The following SPEG variants were observed in gnomAD, a reference collection of about 807,000 sequenced individuals.
The protein encoded by SPEG is striated muscle preferentially expressed protein kinase.
Under a neutral mutation model 300.4 loss-of-function variants are expected in SPEG, and 114 were observed. That is an observed-to-expected ratio of 0.38 (90% confidence interval 0.33 to 0.44). The LOEUF is 0.44. Among genes scored for constraint, SPEG ranks in the 20% least tolerant of loss-of-function variants. SPEG has a pLI of 1.00. For synonymous variants in SPEG, 1,964 were observed against 2,018.9 expected, an observed-to-expected ratio of 0.97 and a Z score of 0.73; for missense variants, 4,201 against 4,586.2, an observed-to-expected ratio of 0.92 and a Z score of 2.43.
intron 1 of SPEG, chr2:219,441,494 G>A (rs1575034221): frequency 2.1e-6 from 1 of 468,780 alleles, no homozygotes; most frequent in Middle Eastern, 4.6e-4. Context: ...TGTGCCCTTC[G>A]GCGAGTTCGG....
In SPEG at chr2:219,444,347, G is replaced by A. The variant is rs1474764630; in HGVS notation, c.389-306G>A. Among the ~76,000 whole-genome samples, 1 of 152,222 alleles carries A rather than the reference G, an allele frequency of 6.6e-6. No homozygotes were observed. Among genetic ancestry groups the A allele is most frequent in the Non-Finnish European group, 1.5e-5 (1 of 68,054 alleles). ...TCACTGACAAGGGGAGGAGGGAGAA[G>A]GGAGGAGGCTCTGATAATCCATTAA... On this transcript the variant is annotated intron_variant, in intron 1 of 40. Coordinates refer to ENST00000312358, the MANE Select transcript of SPEG (RefSeq NM_005876.5). The surrounding 1 kb of genome is among the most constrained non-coding windows in gnomAD (Gnocchi z 7.8).
chr2:219,448,335 C>A lies in SPEG; in HGVS notation c.1177C>A (p.Leu393Met). The A allele has an allele frequency of 6.3e-7, 1 of 1,597,790 alleles. No homozygotes were observed. The highest frequency in any genetic ancestry group is 8.5e-7 in the Non-Finnish European group (1 of 1,173,412). ...GTCGGCGTTGGGCCGATCGCCTAGG[C>A]TGGTGCGCGCCGGCTCCCGCATCCT... is the stretch of plus-strand genomic sequence containing the variant. ...RLSALGRSPR[L>M]VRAGSRILDK... Residue 393 changes from leucine to methionine, a missense_variant, in exon 4 of 41, where the codon CTG (leucine) becomes ATG (methionine). This residue lies in a region of SPEG where 1,258 missense variants were observed against 1,293.9 expected (regional missense o/e 0.97). Coordinates refer to ENST00000312358, the MANE Select transcript of SPEG (RefSeq NM_005876.5).
Position 219,451,073 on chromosome 2 carries a change from C to G in SPEG, c.2114-63C>G, listed in dbSNP as rs1460080996. The G allele has an allele frequency of 1.4e-6, 2 of 1,457,550 alleles. No individual in the cohort carries two copies. The highest frequency in any genetic ancestry group is 1.8e-6 in the Non-Finnish European group (2 of 1,102,042). The allele number at this position is 1,457,550 out of a possible 1,614,324, so 90.3% of individuals were successfully genotyped here. ...CTAGGATGCAGGCCACCAGGACTCT[C>G]TCTCCCGCTGTCATCCCTGCAGGGA... On this transcript the variant is annotated intron_variant, in intron 4 of 40. Transcript: ENST00000312358. The surrounding 1 kb of genome is among the most constrained non-coding windows in gnomAD (Gnocchi z 6.4).
chr2:219,451,329 G>C lies in SPEG; in HGVS notation c.2257+50G>C, dbSNP rs77541083. On this transcript the variant is annotated intron_variant, in intron 5 of 40. Transcript: ENST00000312358. This position sits in a 1 kb window ranked among gnomAD's most constrained non-coding sequence, Gnocchi z 6.4. ...TGCGGTCGAGGTTGGGAGGGGGTGT[G>C]TGAGAAGGGAAGGGGAGGTTCCCCC... 1.9e-6 allele frequency: 3 copies of C among 1,554,906 alleles called. No individual in the cohort carries two copies. In the Admixed American group the frequency reaches 5.9e-5, roughly 30 times the overall value.
intron 1 of SPEG, chr2:219,441,895 CT>C: frequency 4.6e-6 from 1 of 219,056 alleles, no homozygotes; most frequent in Non-Finnish European, 8.8e-6. Flanking sequence ...CCGTCGCCGC[CT>C]TACCCCCACC....
At position 219,490,766 on chromosome 2, in the gene SPEG, C is replaced by T. The variant is rs762455888; in HGVS notation, c.9195C>T (p.Tyr3065=). The change falls in exon 38 of 41, where the codon TAC becomes TAT. Residue 3065 remains tyrosine, a synonymous_variant. Transcript: ENST00000312358. ...ATTCTGAGGATGACGTGGCCACTTA[C>T]ATGGTGCAGCTGCTACAAGGCCTGG... ...FRYSEDDVAT[Y]MVQLLQGLDY... 1.9e-6 allele frequency: 3 copies of T among 1,614,146 alleles called. No homozygotes were observed. The highest frequency in any genetic ancestry group is 1.3e-5 in the African/African-American group (1 of 75,060).
rs759748834 is a variant in SPEG at position 219,444,022 on chromosome 2, A to G, written c.389-631A>G. 7.3e-7 allele frequency: 1 copy of G among 1,365,616 alleles called. No individual in the cohort carries two copies. The highest frequency in any genetic ancestry group is 9.8e-7 in the Non-Finnish European group (1 of 1,021,532). The allele number at this position is 1,365,616 out of a possible 1,614,324, so 84.6% of individuals were successfully genotyped here. A position where few individuals can be genotyped will look rare whatever the true frequency, so the allele number is the denominator to read the frequency against. Reference sequence around the variant, plus strand: ...TGTCTCTCTCCTGCTGCTCCTATGGAAGCGAAGTTTTCCGCTCCTGCAGAA... The same window carrying G: ...TGTCTCTCTCCTGCTGCTCCTATGGGAGCGAAGTTTTCCGCTCCTGCAGAA... On this transcript the variant is annotated intron_variant, in intron 1 of 40. Coordinates refer to ENST00000312358, the MANE Select transcript of SPEG (RefSeq NM_005876.5). The surrounding 1 kb of genome is among the most constrained non-coding windows in gnomAD (Gnocchi z 7.8).
rs575662203 is a variant in SPEG, at chr2:219,460,018, T to C, written c.2441-1864T>C. On this transcript the variant is annotated intron_variant, in intron 6 of 40. Transcript: ENST00000312358. ...CTCTCAGGTTCTGTGTCCAAACCCTTTCCCCATCCCAGATACAAATGGGTT... is the reference window on the plus strand; with the variant it reads ...CTCTCAGGTTCTGTGTCCAAACCCTCTCCCCATCCCAGATACAAATGGGTT... Among the ~76,000 whole-genome samples, 194 of 152,322 alleles carry C rather than the reference T, an allele frequency of 1.3e-3. 1 individual carries two copies. Among genetic ancestry groups the C allele is most frequent in the African/African-American group, 4.5e-3 (187 of 41,576 alleles).
rs1297049005 is a variant in SPEG, at chr2:219,439,351, AG to A, written c.388+3990del. Among the ~76,000 whole-genome samples the A allele has an allele frequency of 6.6e-6, 1 of 152,190 alleles. No individual in the cohort carries two copies. Among genetic ancestry groups the A allele is most frequent in the African/African-American group, 2.4e-5 (1 of 41,434 alleles). ...AGGGAGACCAAAATTTATGTCCTCC[AG>A]GGGATAACTTTCTAGTGAGGGGAGA... is the stretch of plus-strand genomic sequence containing the variant. On this transcript the variant is annotated intron_variant, in intron 1 of 40. Coordinates refer to ENST00000312358, the MANE Select transcript of SPEG (RefSeq NM_005876.5). This position sits in a 1 kb window ranked among gnomAD's most constrained non-coding sequence, Gnocchi z 4.5.
At chr2:219,475,177 A>C (rs2125503722) in intron 18 of SPEG, among the ~76,000 whole-genome samples, 1 of 152,160 alleles carries the variant, frequency 6.6e-6, no homozygotes, top group South Asian at 2.1e-4. Context: ...TGGTTTTCTA[A>C]TTTGTTAATT....
At chr2:219,453,195 G>A (rs559870784) in intron 6 of SPEG, among the ~76,000 whole-genome samples, 5 of 152,212 alleles carry the variant, frequency 3.3e-5, no homozygotes, top group Admixed American at 2.0e-4. Flanking sequence ...GGATGGGGGT[G>A]CCCCGATACT....
intron 38 of SPEG, among the ~76,000 whole-genome samples, 199 bp from the exon 39 acceptor site, chr2:219,491,595 C>T (rs1327018527): frequency 6.6e-6 from 1 of 152,196 alleles, no homozygotes; most frequent in Non-Finnish European, 1.5e-5. Flanking sequence ...TGGGTTAATT[C>T]CTCAGGTGAC....
Position 219,451,493 on chromosome 2 carries a change from C to G in SPEG, c.2258-132C>G. 1 of 1,134,608 alleles carries G rather than the reference C, an allele frequency of 8.8e-7. No homozygotes were observed. Among genetic ancestry groups the G allele is most frequent in the Non-Finnish European group, 1.2e-6 (1 of 836,422 alleles). The allele number at this position is 1,134,608 out of a possible 1,614,324, so 70.3% of individuals were successfully genotyped here. ...CAACCTGAGCTTCCCAAAATGAGGG[C>G]GGACTCTTCCAGATTCCCTGGGGTG... On this transcript the variant is annotated intron_variant, in intron 5 of 40. Transcript: ENST00000312358. The surrounding 1 kb of genome is among the most constrained non-coding windows in gnomAD (Gnocchi z 6.4).
At chr2:219,465,879 GCGTGTGCA>G (rs1691249109) in intron 9 of SPEG, 82 of 632,880 alleles carry the variant, frequency 1.3e-4, no homozygotes, top group Middle Eastern at 1.1e-3. Flanking sequence ...GTGTGTGCGT[GCGTGTGCA>G]TGTGTGCGTA....
chr2:219,477,223 C>A lies in SPEG; in HGVS notation c.4561-54C>A. ...CCAGAGTAGGAGATGAGGCCCTGGC[C>A]CCAAGGTAGAGATGAGGCCAGGCCC... On this transcript the variant is annotated intron_variant, in intron 19 of 40. Coordinates refer to ENST00000312358, the MANE Select transcript of SPEG (RefSeq NM_005876.5). This position sits in a 1 kb window ranked among gnomAD's most constrained non-coding sequence, Gnocchi z 6.4. 1.3e-6 allele frequency: 2 copies of A among 1,557,262 alleles called. No homozygotes were observed. The highest frequency in any genetic ancestry group is 1.7e-6 in the Non-Finnish European group (2 of 1,154,902).
intron 3 of SPEG, among the ~76,000 whole-genome samples, chr2:219,446,725 C>A (rs957217696): frequency 1.3e-5 from 2 of 152,212 alleles, no homozygotes; most frequent in African/African-American, 4.8e-5. Context: ...GGGTTTCAAT[C>A]CTAGCACCAA....
At position 219,448,065 on chromosome 2, in the gene SPEG, C is replaced by G. The variant is rs763533986; in HGVS notation, c.907C>G (p.Pro303Ala). Residue 303 changes from proline to alanine, a missense_variant, in exon 4 of 41, where the codon CCT (proline) becomes GCT (alanine). By Grantham distance (27) the Pro-to-Ala change is conservative. Coordinates refer to ENST00000312358, the MANE Select transcript of SPEG (RefSeq NM_005876.5). ...EAPRRPAQPPPSKSALLPPPS... is the reference protein window; with the variant it reads ...EAPRRPAQPPASKSALLPPPS... ...CCCACGCCGCCCTGCCCAGCCGCCT[C>G]CTTCCAAATCCGCGCTGCTCCCCCC... The G allele has an allele frequency of 1.3e-5, 21 of 1,610,452 alleles. No individual in the cohort carries two copies. In the Admixed American group the frequency reaches 3.5e-4, roughly 27 times the overall value.
intron 8 of SPEG, among the ~76,000 whole-genome samples, chr2:219,463,654 C>A (rs918217678): frequency 6.6e-6 from 1 of 151,134 alleles, no homozygotes; most frequent in Non-Finnish European, 1.5e-5. Flanking sequence ...GATCCACCCA[C>A]CTCGGCCTCC....
chr2:219,472,434 G>C, intron 15 of SPEG, 103 bp downstream of exon 15: 1 of 976,658 alleles, frequency 1.0e-6, no homozygotes, highest in Non-Finnish European at 1.6e-6. Flanking sequence ...GATGGGCAGG[G>C]GCAGGAGCTG....
Sources: allele counts gnomAD v4.1 joint callset (sites outside exome capture counted in the v4.1 genomes callset), GRCh38; gene constraint gnomAD v4.1.1; regional missense constraint gnomAD v4.1.1; non-coding constraint Gnocchi (gnomAD v3.1); transcripts MANE v1.5; gene names NCBI Gene and HGNC (gene_info 2026-07-23, HGNC 2026-07-21).